Variants in AFG1L observed in about 807,000 individuals in gnomAD.
AFG1L encodes AFG1 like ATPase.
A neutral mutation model predicts 62.2 loss-of-function variants in AFG1L; 53 were observed. The ratio of observed to expected loss-of-function variants is 0.85; its 90% confidence interval spans 0.68 to 1.07. The LOEUF (loss-of-function observed/expected upper bound fraction) is 1.07, where lower values mean the gene tolerates loss of function less well. Ranked by LOEUF, AFG1L falls within the 50% of genes least tolerant of loss-of-function variation. The probability of loss-of-function intolerance (pLI) is 0.00; values close to 1 mark genes in which losing one functional copy is unlikely to be tolerated. For synonymous variants in AFG1L, 228 were observed against 210.3 expected (o/e 1.08, Z -0.73); for missense variants, 555 against 590.5 (o/e 0.94, Z 0.62).
intron 6 of AFG1L, among the ~76,000 whole-genome samples, chr6:108,399,395 C>G (rs138291974): frequency 0.022 from 3,402 of 151,690 alleles, 83 homozygotes; most frequent in South Asian, 0.085. Context: ...ACCGTGTTGG[C>G]CAGGATGGTC....
intron 7 of AFG1L, among the ~76,000 whole-genome samples, chr6:108,407,833 T>C (rs1168745334): frequency 6.6e-6 from 1 of 152,178 alleles, no homozygotes; most frequent in African/African-American, 2.4e-5. Flanking sequence ...TTCCAGATTG[T>C]ACATATGAGG....
At chr6:108,330,061 G>A (rs767534683) in intron 2 of AFG1L, among the ~76,000 whole-genome samples, 29 of 152,144 alleles carry the variant, frequency 1.9e-4, no homozygotes, top group Non-Finnish European at 4.1e-4. Flanking sequence ...GCCATGTGAT[G>A]CCCCTGTGTC....
At chr6:108,335,785 G>A (rs543957158) in intron 2 of AFG1L, among the ~76,000 whole-genome samples, 16 of 152,260 alleles carry the variant, frequency 1.1e-4, no homozygotes, top group African/African-American at 3.6e-4. Flanking sequence ...AAACTAGCCC[G>A]CTGTCATTTG....
intron 1 of AFG1L, among the ~76,000 whole-genome samples, chr6:108,316,777 C>T (rs1771518658): frequency 6.6e-6 from 1 of 151,958 alleles, no homozygotes; most frequent in African/African-American, 2.4e-5. Flanking sequence ...CGTGATCTGC[C>T]CGCCTTGGCC....
At chr6:108,481,369 C>G (rs1773315919) in intron 10 of AFG1L, among the ~76,000 whole-genome samples, 1 of 152,110 alleles carries the variant, frequency 6.6e-6, no homozygotes, top group African/African-American at 2.4e-5. Context: ...TTATTGAAGA[C>G]AGTGGTTCTC....
At chr6:108,337,819 T>A (rs747852919) in intron 2 of AFG1L, among the ~76,000 whole-genome samples, 5 of 152,206 alleles carry the variant, frequency 3.3e-5, no homozygotes, top group Non-Finnish European at 5.9e-5. Flanking sequence ...GGATTGGTGC[T>A]TGGTGGTTAC....
At chr6:108,459,477 G>A (rs1451771101) in intron 8 of AFG1L, among the ~76,000 whole-genome samples, 1 of 152,196 alleles carries the variant, frequency 6.6e-6, no homozygotes, top group East Asian at 1.9e-4. Flanking sequence ...AGATTGTTTC[G>A]GTTGTTTAAG....
chr6:108,330,043 G>GC (rs1391794396), intron 2 of AFG1L, among the ~76,000 whole-genome samples: 4 of 152,150 alleles, frequency 2.6e-5, no homozygotes, highest in African/African-American at 9.6e-5. Context: ...AGCATGCTCA[G>GC]CCCCCTCGCC....
At chr6:108,319,093 C>T (rs1777714417) in intron 1 of AFG1L, among the ~76,000 whole-genome samples, 1 of 152,110 alleles carries the variant, frequency 6.6e-6, no homozygotes, top group African/African-American at 2.4e-5. Context: ...GGAATGAAGT[C>T]TACACTATTA....
At position 108,355,645 on chromosome 6, in the gene AFG1L, A is replaced by T; in HGVS notation, c.416-9A>T. 2 of 1,540,108 alleles carry T rather than the reference A, an allele frequency of 1.3e-6. No individual in the cohort carries two copies. Among genetic ancestry groups the T allele is most frequent in the African/African-American group, 1.4e-5 (1 of 71,976 alleles). ...TAATAGTATTCTTAAAATTTTTTTT[A>T]TTTTTAAGGTACAGGAAAAACAATG... is the stretch of plus-strand genomic sequence containing the variant. On this transcript the variant is annotated splice_polypyrimidine_tract_variant and intron_variant, in intron 3 of 12. Transcript: ENST00000368977.
intron 7 of AFG1L, among the ~76,000 whole-genome samples, chr6:108,436,976 C>T (rs1016298206): frequency 9.9e-5 from 15 of 152,130 alleles, no homozygotes; most frequent in Admixed American, 7.9e-4. Context: ...GATTTGGTAT[C>T]GGGTGAGGGC....
intron 1 of AFG1L, among the ~76,000 whole-genome samples, chr6:108,297,360 G>GC (rs1776802963): frequency 1.3e-5 from 2 of 152,148 alleles, no homozygotes; most frequent in African/African-American, 2.4e-5. Flanking sequence ...CGGAGCCTCG[G>GC]CCCCCCAAAA....
At chr6:108,383,455 G>A (rs894794651) in intron 6 of AFG1L, among the ~76,000 whole-genome samples, 2 of 151,888 alleles carry the variant, frequency 1.3e-5, no homozygotes, top group Admixed American at 6.6e-5. Flanking sequence ...ATAAAAGAAA[G>A]CAAAATGAAA....
At chr6:108,438,899 G>T (rs1462027445) in intron 7 of AFG1L, among the ~76,000 whole-genome samples, 1 of 151,990 alleles carries the variant, frequency 6.6e-6, no homozygotes, top group African/African-American at 2.4e-5. Flanking sequence ...ATTTACTTTG[G>T]TATATGAGAT....
At chr6:108,452,016 A>G (rs762017561) in intron 8 of AFG1L, among the ~76,000 whole-genome samples, 11 of 152,122 alleles carry the variant, frequency 7.2e-5, no homozygotes, top group Non-Finnish European at 1.0e-4. Flanking sequence ...ACGCCCGGCC[A>G]GTTTGTTTCT....
At chr6:108,450,209 T>C (rs370468263) in intron 8 of AFG1L, among the ~76,000 whole-genome samples, 3 of 152,186 alleles carry the variant, frequency 2.0e-5, no homozygotes, top group Non-Finnish European at 4.4e-5. Flanking sequence ...CTAGTTTACA[T>C]TCCCACCAAC....
intron 6 of AFG1L, among the ~76,000 whole-genome samples, chr6:108,391,042 G>A (rs1360642457): frequency 6.6e-6 from 1 of 152,200 alleles, no homozygotes; most frequent in Non-Finnish European, 1.5e-5. Flanking sequence ...GGCTGGTTCC[G>A]TATTTTTGCA....
rs1778410840 is a variant in AFG1L at position 108,334,617 on chromosome 6, TGTTTATAAGAGG to T, written c.363+10574_363+10585del. ...GTCCTCCAGAAAGGCATATGAAATA[TGTTTATAAGAGG>T]GTTTTAGCAATGCAATCTTTTCCTC... On this transcript the variant is annotated intron_variant, in intron 2 of 12. Coordinates refer to ENST00000368977, the MANE Select transcript of AFG1L (RefSeq NM_145315.5). Among the ~76,000 whole-genome samples, 3 of 152,162 alleles carry T rather than the reference TGTTTATAAGAGG, an allele frequency of 2.0e-5. No individual in the cohort carries two copies. In the East Asian group the frequency reaches 5.8e-4, roughly 29 times the overall value.
chr6:108,317,300 G>A (rs569303178), intron 1 of AFG1L, among the ~76,000 whole-genome samples: 1 of 152,280 alleles, frequency 6.6e-6, no homozygotes, highest in South Asian at 2.1e-4. Flanking sequence ...CTCTCTGCAG[G>A]CTTCGAGCTG....
Sources: gnomAD v4.1 joint callset for allele counts (sites outside exome capture counted in the v4.1 genomes callset) on GRCh38, gnomAD v4.1.1 for gene constraint, MANE v1.5 for transcripts, NCBI Gene and HGNC (gene_info 2026-07-23, HGNC 2026-07-21) for gene names.